CSTPP1: variants seen among roughly 807,000 people sequenced by gnomAD.
The protein encoded by CSTPP1 is centriolar satellite-associated tubulin polyglutamylase complex regulator 1.
the CSTPP1 span, among the ~76,000 whole-genome samples, chr11:47,035,910 GT>G: frequency 1.3e-5 from 2 of 150,228 alleles, no homozygotes; most frequent in Non-Finnish European, 2.9e-5. Flanking sequence ...AATCCATGCT[GT>G]TCAAAGGTCA....
At chr11:47,080,124 A>C in the CSTPP1 span, among the ~76,000 whole-genome samples, 1 of 150,812 alleles carries the variant, frequency 6.6e-6, no homozygotes, top group Non-Finnish European at 1.5e-5. Flanking sequence ...AAAAAGGAAG[A>C]AATATGAGAT....
At chr11:46,988,974 G>A in the CSTPP1 span, among the ~76,000 whole-genome samples, 211 of 152,232 alleles carry the variant, frequency 1.4e-3, 2 homozygotes, top group East Asian at 1.5e-3. Context: ...GCTCAAACCC[G>A]TAATCCCAGC....
At chr11:47,161,112 C>G in the CSTPP1 span, 2 of 1,614,078 alleles carry the variant, frequency 1.2e-6, no homozygotes, top group Non-Finnish European at 8.5e-7. Context: ...TACTGTGCCC[C>G]CAATGATCTC....
the CSTPP1 span, among the ~76,000 whole-genome samples, chr11:47,021,087 T>G: frequency 6.6e-6 from 1 of 152,220 alleles, no homozygotes; most frequent in Non-Finnish European, 1.5e-5. Context: ...TGGCAAGAGC[T>G]TACTACTTTG....
the CSTPP1 span, among the ~76,000 whole-genome samples, chr11:46,969,126 A>G: frequency 1.3e-5 from 2 of 152,308 alleles, no homozygotes; most frequent in Non-Finnish European, 2.9e-5. Context: ...ATAGGTCCCC[A>G]TGACTCCCAC....
the CSTPP1 span, among the ~76,000 whole-genome samples, chr11:46,984,266 C>T: frequency 2.0e-5 from 3 of 152,218 alleles, no homozygotes; most frequent in Non-Finnish European, 2.9e-5. Context: ...ATCTTGGCTT[C>T]TCTTCCCACT....
chr11:47,111,549 C>A, the CSTPP1 span, among the ~76,000 whole-genome samples: 4 of 152,088 alleles, frequency 2.6e-5, no homozygotes, highest in African/African-American at 9.7e-5. Context: ...CTTAGCCAAG[C>A]CCACCCCACT....
At chr11:46,997,751 CT>C in the CSTPP1 span, among the ~76,000 whole-genome samples, 1 of 152,152 alleles carries the variant, frequency 6.6e-6, no homozygotes, top group African/African-American at 2.4e-5. Context: ...TGTGGATGCC[CT>C]TTCTGTTTGT....
the CSTPP1 span, among the ~76,000 whole-genome samples, chr11:46,984,127 A>T: frequency 6.6e-6 from 1 of 152,334 alleles, no homozygotes; most frequent in Non-Finnish European, 1.5e-5. Flanking sequence ...TACTATCAAC[A>T]TACATTCCTG....
At chr11:47,161,582 A>G in the CSTPP1 span, 1 of 1,614,016 alleles carries the variant, frequency 6.2e-7, no homozygotes, top group Non-Finnish European at 8.5e-7. Flanking sequence ...TCATTCCCGA[A>G]AAGTGGATGG....
chr11:46,950,764 A>G, the CSTPP1 span, among the ~76,000 whole-genome samples: 1 of 152,004 alleles, frequency 6.6e-6, no homozygotes, highest in Non-Finnish European at 1.5e-5. Context: ...GGCGCCTGCT[A>G]TCACGCCTGG....
At chr11:46,997,847 G>A in the CSTPP1 span, among the ~76,000 whole-genome samples, 4 of 152,152 alleles carry the variant, frequency 2.6e-5, no homozygotes, top group African/African-American at 9.7e-5. Context: ...GTTTGCCTGG[G>A]TATCACCAGC....
At chr11:47,101,592 T>G in the CSTPP1 span, among the ~76,000 whole-genome samples, 4 of 151,854 alleles carry the variant, frequency 2.6e-5, no homozygotes, top group Non-Finnish European at 4.4e-5. Flanking sequence ...GATAGTGATA[T>G]TCATCTTAGA....
the CSTPP1 span, among the ~76,000 whole-genome samples, chr11:47,086,232 TCCAAAA>T: frequency 0.077 from 2,443 of 31,714 alleles, 81 homozygotes; most frequent in Non-Finnish European, 0.1. Context: ...CTACTAAAAA[TCCAAAA>T]AAAAAAAAAA....
At chr11:47,042,445 G>C in the CSTPP1 span, among the ~76,000 whole-genome samples, 1 of 148,652 alleles carries the variant, frequency 6.7e-6, no homozygotes, top group African/African-American at 2.5e-5. Context: ...ATATACATAT[G>C]TACTTATATG....
the CSTPP1 span, among the ~76,000 whole-genome samples, chr11:47,042,452 T>C: frequency 1.3e-5 from 2 of 151,724 alleles, no homozygotes; most frequent in South Asian, 2.1e-4. Flanking sequence ...TATGTACTTA[T>C]ATGTCTGTGT....
At chr11:46,956,131 G>A in the CSTPP1 span, among the ~76,000 whole-genome samples, 2 of 152,154 alleles carry the variant, frequency 1.3e-5, no homozygotes, top group African/African-American at 4.8e-5. Flanking sequence ...CATTAAATGT[G>A]TATGTGTGTG....
the CSTPP1 span, among the ~76,000 whole-genome samples, chr11:47,027,224 T>G: frequency 6.6e-6 from 1 of 152,118 alleles, no homozygotes; most frequent in Non-Finnish European, 1.5e-5. Flanking sequence ...TATCAGCCGG[T>G]AAGAAGCTGA....
the CSTPP1 span, among the ~76,000 whole-genome samples, chr11:47,050,266 G>C: frequency 6.6e-6 from 1 of 152,072 alleles, no homozygotes; most frequent in African/African-American, 2.4e-5. Flanking sequence ...ATTCTACCTG[G>C]CATCACTTAC....
Sources: gnomAD v4.1 joint callset for allele counts (sites outside exome capture counted in the v4.1 genomes callset) on GRCh38, gnomAD v4.1.1 for gene constraint, MANE v1.5 for transcripts, NCBI Gene and HGNC (gene_info 2026-07-23, HGNC 2026-07-21) for gene names.